The following NPSR1 variants were observed in gnomAD, a reference collection of about 807,000 sequenced individuals.
NPSR1 encodes the protein neuropeptide S receptor 1, also known as neuropeptide S receptor.
Under a neutral mutation model 46.9 loss-of-function variants are expected in NPSR1, and 48 were observed. The observed-to-expected ratio is 1.02, with a 90% CI of 0.81 to 1.30. NPSR1 has a LOEUF of 1.30. Ranked by LOEUF, NPSR1 falls within the 50% of genes most tolerant of loss-of-function variation. NPSR1 has a pLI of 0.00. For missense variants in NPSR1, 450 were observed against 449.5 expected (o/e 1.00, Z -0.01); for synonymous variants, 176 against 168.1 (o/e 1.05, Z -0.36).
At chr7:34,666,955 T>C (rs1791782925) in intron 1 of NPSR1, among the ~76,000 whole-genome samples, 2 of 152,224 alleles carry the variant, frequency 1.3e-5, no homozygotes, top group African/African-American at 4.8e-5. Context: ...TTCAAATGAT[T>C]CTCTACATTC....
At chr7:34,674,509 C>A (rs1792215172) in intron 1 of NPSR1, among the ~76,000 whole-genome samples, 1 of 152,196 alleles carries the variant, frequency 6.6e-6, no homozygotes, top group South Asian at 2.1e-4. Flanking sequence ...GGAAGCCACA[C>A]AAGTCTCAGG....
intron 3 of NPSR1, among the ~76,000 whole-genome samples, chr7:34,790,910 T>C (rs1454055549): frequency 7.4e-6 from 1 of 134,404 alleles, no homozygotes; most frequent in Non-Finnish European, 1.5e-5. Flanking sequence ...TATGTTATAT[T>C]ATATATCATA....
At chr7:34,733,122 C>T (rs571240693) in intron 2 of NPSR1, among the ~76,000 whole-genome samples, 3 of 152,268 alleles carry the variant, frequency 2.0e-5, no homozygotes, top group African/African-American at 7.2e-5. Flanking sequence ...GTCACTGACT[C>T]ATTTAAGAAT....
At chr7:34,751,022 A>C in intron 2 of NPSR1, 1 of 772,368 alleles carries the variant, frequency 1.3e-6, no homozygotes, top group South Asian at 1.4e-5. Context: ...CCAGGGCAGC[A>C]ATTTGAGACT....
chr7:34,810,347 T>A (rs1788919930), intron 3 of NPSR1, among the ~76,000 whole-genome samples: 1 of 152,198 alleles, frequency 6.6e-6, no homozygotes, highest in African/African-American at 2.4e-5. Flanking sequence ...TTTAATCACA[T>A]TCTAAATATG....
At chr7:34,743,858 C>T (rs1319977535) in intron 2 of NPSR1, among the ~76,000 whole-genome samples, 1 of 152,030 alleles carries the variant, frequency 6.6e-6, no homozygotes. Flanking sequence ...AGCTTACTTT[C>T]CTGTATGTTT....
chr7:34,827,333 G>A, intron 4 of NPSR1, 68 bp from the exon 5 acceptor site: 2 of 1,367,512 alleles, frequency 1.5e-6, no homozygotes, highest in Admixed American at 3.5e-5. Context: ...CTTTTCTATA[G>A]CAGACTCCAT....
rs188454591 is a variant in NPSR1 at position 34,859,500 on chromosome 7, G to A, written c.1025+10837G>A. ...GCTGAACACAGCATTCCTCAGGAGA[G>A]GATTCATCCTCTATATAGGGAACAC... On this transcript the variant is annotated intron_variant, in intron 8 of 8. Transcript: ENST00000359791. Among the ~76,000 whole-genome samples the A allele has an allele frequency of 1.8e-3, 276 of 151,674 alleles. 1 individual carries two copies. Among genetic ancestry groups the A allele is most frequent in the Non-Finnish European group, 2.9e-3 (196 of 68,022 alleles).
chr7:34,785,791 TA>T (rs929822789), intron 3 of NPSR1, among the ~76,000 whole-genome samples: 1 of 152,178 alleles, frequency 6.6e-6, no homozygotes, highest in Non-Finnish European at 1.5e-5. Flanking sequence ...CCAGTACATA[TA>T]AAAGTTATGT....
intron 1 of NPSR1, among the ~76,000 whole-genome samples, chr7:34,670,667 T>C (rs1792003827): frequency 6.6e-6 from 1 of 151,534 alleles, no homozygotes; most frequent in Admixed American, 6.6e-5. Flanking sequence ...AAAGAGCCCT[T>C]GAGGGAAAAT....
intron 2 of NPSR1, among the ~76,000 whole-genome samples, chr7:34,701,303 G>A (rs1016863668): frequency 6.6e-6 from 1 of 152,084 alleles, no homozygotes; most frequent in Non-Finnish European, 1.5e-5. Context: ...TTATTAATCA[G>A]CAAAGATACA....
chr7:34,738,388 G>T (rs1784783659), intron 2 of NPSR1, among the ~76,000 whole-genome samples: 1 of 152,014 alleles, frequency 6.6e-6, no homozygotes, highest in South Asian at 2.1e-4. Context: ...AAACAATCAG[G>T]TTTTCTATTT....
chr7:34,712,315 AC>A (rs761276361), intron 2 of NPSR1, among the ~76,000 whole-genome samples: 1 of 151,764 alleles, frequency 6.6e-6, no homozygotes, highest in Non-Finnish European at 1.5e-5. Context: ...TGCCTTCTCC[AC>A]TCTACTTTTC....
chr7:34,737,889 T>G (rs182564285), intron 2 of NPSR1, among the ~76,000 whole-genome samples: 1 of 152,318 alleles, frequency 6.6e-6, no homozygotes, highest in Admixed American at 6.5e-5. Flanking sequence ...TTCCAGGAGT[T>G]CTCTTTTGAA....
intron 4 of NPSR1, among the ~76,000 whole-genome samples, chr7:34,815,021 C>G (rs1051293868): frequency 6.6e-6 from 1 of 152,202 alleles, no homozygotes; most frequent in South Asian, 2.1e-4. Flanking sequence ...CTCCAAAGGA[C>G]TGCAACTCCC....
At chr7:34,701,574 T>G (rs1793832798) in intron 2 of NPSR1, among the ~76,000 whole-genome samples, 1 of 152,228 alleles carries the variant, frequency 6.6e-6, no homozygotes, top group African/African-American at 2.4e-5. Flanking sequence ...GCCTTCTCTC[T>G]TATTAATCTG....
intron 2 of NPSR1, among the ~76,000 whole-genome samples, chr7:34,700,247 A>C (rs1163898917): frequency 6.6e-6 from 1 of 152,116 alleles, no homozygotes; most frequent in African/African-American, 2.4e-5. Flanking sequence ...AAGGAAGGAT[A>C]TGTTTAGAAA....
chr7:34,676,319 G>C (rs560842631), intron 1 of NPSR1, among the ~76,000 whole-genome samples: 1 of 152,104 alleles, frequency 6.6e-6, no homozygotes, highest in African/African-American at 2.4e-5. Flanking sequence ...ACAAATAAGA[G>C]GTCAGAGAGG....
chr7:34,661,214 C>G (rs1437780447), intron 1 of NPSR1, among the ~76,000 whole-genome samples: 1 of 152,142 alleles, frequency 6.6e-6, no homozygotes, highest in Non-Finnish European at 1.5e-5. Flanking sequence ...CCTACCCTGC[C>G]TGGTCTCTAT....
Sources: gnomAD v4.1 joint callset for allele counts (sites outside exome capture counted in the v4.1 genomes callset) on GRCh38, gnomAD v4.1.1 for gene constraint, MANE v1.5 for transcripts, NCBI Gene and HGNC (gene_info 2026-07-23, HGNC 2026-07-21) for gene names.